MYCBPAP: variants seen among roughly 807,000 people sequenced by gnomAD.
MYCBPAP encodes the protein MYCBP associated protein.
A neutral mutation model predicts 106.1 loss-of-function variants in MYCBPAP; 60 were observed. The observed-to-expected ratio is 0.57, with a 90% confidence interval of 0.46 to 0.70. The LOEUF is 0.70. MYCBPAP is among the 30% of genes least tolerant of loss of function. The probability of loss-of-function intolerance (pLI) is 0.00; values close to 1 mark genes in which losing one functional copy is unlikely to be tolerated. For missense variants in MYCBPAP, 1,064 were observed against 1,169.3 expected, an observed-to-expected ratio of 0.91 and a Z score of 1.31; for synonymous variants, 407 against 440.6, an observed-to-expected ratio of 0.92 and a Z score of 0.95.
intron 1 of MYCBPAP, chr17:50,514,938 A>G (rs1282314216): frequency 4.4e-6 from 2 of 452,702 alleles, no homozygotes; most frequent in African/African-American, 2.0e-5. Context: ...TTGGCATGCC[A>G]TTGCCCATGG....
chr17:50,531,485 C>A lies in MYCBPAP; in HGVS notation c.*57C>A. 7.4e-7 allele frequency: 1 copy of A among 1,349,032 alleles called. No homozygotes were observed. Among genetic ancestry groups the A allele is most frequent in the Non-Finnish European group, 1.0e-6 (1 of 975,746 alleles). The allele number at this position is 1,349,032 out of a possible 1,614,324, so 83.6% of individuals were successfully genotyped here. On this transcript the variant is annotated 3_prime_UTR_variant, in exon 19 of 19. Transcript: ENST00000323776. ...GGTTAATAAATAAATCAATAAAGAA[C>A]CTTCAAGTTTCTACTACTTCCGTGT...
At chr17:50,519,467 A>G (rs1348202458) in intron 6 of MYCBPAP, 173 bp from the exon 7 acceptor site, 19 of 771,682 alleles carry the variant, frequency 2.5e-5, no homozygotes, top group Non-Finnish European at 3.9e-5. Flanking sequence ...AAAGATGACA[A>G]CAGGGTGTCC....
At chr17:50,512,607 T>C (rs1248875021) in intron 1 of MYCBPAP, among the ~76,000 whole-genome samples, 1 of 152,210 alleles carries the variant, frequency 6.6e-6, no homozygotes, top group Non-Finnish European at 1.5e-5. Context: ...CCAAACCTAT[T>C]GCCTGTACCG....
At chr17:50,521,934 G>A in intron 9 of MYCBPAP, 39 bp from the exon 10 acceptor site, 1 of 1,585,502 alleles carries the variant, frequency 6.3e-7, no homozygotes, top group Non-Finnish European at 8.6e-7. Flanking sequence ...CATGACTGTG[G>A]CAGCCTAAGA....
intron 1 of MYCBPAP, among the ~76,000 whole-genome samples, chr17:50,512,429 G>T (rs1354779596): frequency 6.6e-6 from 1 of 152,124 alleles, no homozygotes; most frequent in Admixed American, 6.5e-5. Context: ...CTTGGACTTT[G>T]ACTTCACCTG....
chr17:50,518,290 C>T (rs2034126857), intron 4 of MYCBPAP, among the ~76,000 whole-genome samples: 1 of 152,220 alleles, frequency 6.6e-6, no homozygotes, highest in Admixed American at 6.5e-5. Flanking sequence ...GTTGTGAGGA[C>T]AAATACACTA....
At chr17:50,519,588 G>A in intron 6 of MYCBPAP, 52 bp from the exon 7 acceptor site, 1 of 1,605,484 alleles carries the variant, frequency 6.2e-7, no homozygotes. Context: ...ATCTCCACCA[G>A]CATCTGGCTG....
chr17:50,509,228 A>T (rs1419883135), intron 1 of MYCBPAP: 1 of 689,496 alleles, frequency 1.5e-6, no homozygotes, highest in East Asian at 2.7e-5. Flanking sequence ...GTCACTTAGG[A>T]TTCCTGCTGG....
chr17:50,529,659 A>G, intron 18 of MYCBPAP: 1 of 437,100 alleles, frequency 2.3e-6, no homozygotes, highest in Non-Finnish European at 4.6e-6. Flanking sequence ...ATAGAAACGC[A>G]ATAGGGTCTG....
chr17:50,529,116 C>A lies in MYCBPAP; in HGVS notation c.2652C>A (p.Asp884Glu). The A allele has an allele frequency of 6.2e-7, 1 of 1,614,084 alleles. No individual in the cohort carries two copies. Among genetic ancestry groups the A allele is most frequent in the East Asian group, 2.2e-5 (1 of 44,890 alleles). ...TTTCTTTGGAAGACCCTACCCCTGACATCATCCTCTCTTCTCAAGAACCCA... is the reference window on the plus strand; with the variant it reads ...TTTCTTTGGAAGACCCTACCCCTGAAATCATCCTCTCTTCTCAAGAACCCA... Reference protein sequence around the residue: ...DRFSLEDPTPDIILSSQEPID... With the variant: ...DRFSLEDPTPEIILSSQEPID... The change falls in exon 18 of 19, where the codon GAC becomes GAA. Residue 884 changes from aspartate (D) to glutamate (E), a missense_variant. Asp to Glu is a conservative substitution (Grantham distance 45). Transcript: ENST00000323776.
chr17:50,513,556 A>G (rs1335713140), intron 1 of MYCBPAP, among the ~76,000 whole-genome samples: 1 of 152,218 alleles, frequency 6.6e-6, no homozygotes, highest in Admixed American at 6.5e-5. Context: ...AGCAAACATG[A>G]AAGATTAGCT....
Position 50,528,239 on chromosome 17 carries a change from G to C in MYCBPAP, c.2376G>C (p.Glu792Asp), listed in dbSNP as rs773990635. 6.2e-7 allele frequency: 1 copy of C among 1,614,032 alleles called. No individual in the cohort carries two copies. The highest frequency in any genetic ancestry group is 8.5e-7 in the Non-Finnish European group (1 of 1,179,986). Reference sequence around the variant, plus strand: ...CTGTGCTGGGCCTGCCTGAGAAGGAGACCATCTATTTGAATGTGCCTGAAG... The same window carrying C: ...CTGTGCTGGGCCTGCCTGAGAAGGACACCATCTATTTGAATGTGCCTGAAG... ...LRSVLGLPEK[E>D]TIYLNVPEEQ... The change falls in exon 16 of 19, where the codon GAG (glutamate) becomes GAC (aspartate). Residue 792 changes from glutamate to aspartate, a missense_variant. Coordinates refer to ENST00000323776, the MANE Select transcript of MYCBPAP (RefSeq NM_032133.6).
Position 50,528,229 on chromosome 17 carries a change from C to T in MYCBPAP, c.2366C>T (p.Pro789Leu), listed in dbSNP as rs146710463. ...SMWLRSVLGL[P>L]EKETIYLNVP... ...TGGCTGAGGTCTGTGCTGGGCCTGC[C>T]TGAGAAGGAGACCATCTATTTGAAT... The change falls in exon 16 of 19, where the codon CCT (proline) becomes CTT (leucine). Residue 789 changes from proline to leucine, a missense_variant. Pro to Leu is a moderately conservative substitution (Grantham distance 98). Transcript: ENST00000323776. The T allele has an allele frequency of 1.8e-5, 29 of 1,614,004 alleles. No individual in the cohort carries two copies. Among genetic ancestry groups the T allele is most frequent in the Non-Finnish European group, 2.5e-5 (29 of 1,180,016 alleles).
chr17:50,512,393 C>A (rs1024130406), intron 1 of MYCBPAP, among the ~76,000 whole-genome samples: 1 of 152,142 alleles, frequency 6.6e-6, no homozygotes, highest in African/African-American at 2.4e-5. Context: ...ACTCACGTGC[C>A]ATGCTCAGCC....
intron 14 of MYCBPAP, 87 bp downstream of exon 14, chr17:50,526,354 T>C (rs976482303): frequency 1.8e-5 from 25 of 1,401,962 alleles, no homozygotes; most frequent in Non-Finnish European, 2.3e-5. Flanking sequence ...TCTTGCTCTA[T>C]GGGCAAAGAA....
rs557812643 is a variant in MYCBPAP at position 50,516,353 on chromosome 17, G to A, written c.77-217G>A. Among the ~76,000 whole-genome samples, 5 of 152,314 alleles carry A rather than the reference G, an allele frequency of 3.3e-5. No individual in the cohort carries two copies. In the East Asian group the frequency reaches 9.7e-4, roughly 29 times the overall value. ...AAGTCTTAGTCACTGTGGTGAGCCA[G>A]GGGCTGTGGGTAGGGGGACCCTCCA... On this transcript the variant is annotated intron_variant, in intron 1 of 18. Coordinates refer to ENST00000323776, the MANE Select transcript of MYCBPAP (RefSeq NM_032133.6).
At chr17:50,510,196 CT>C (rs1412748717) in intron 1 of MYCBPAP, 2 of 151,994 alleles carry the variant, frequency 1.3e-5, no homozygotes, top group Non-Finnish European at 2.9e-5. Flanking sequence ...AGCTTAGTCG[CT>C]TTTCAGTATG....
In MYCBPAP at chr17:50,525,741, G is replaced by A. The variant is rs768782864; in HGVS notation, c.1783-140G>A. On this transcript the variant is annotated intron_variant, in intron 13 of 18. Transcript: ENST00000323776. ...CCTGAGTTCAAGTGATCTTCCTACC[G>A]TGGCTTCCCAAAGCACTGGGATTGC... 3.4e-5 allele frequency: 31 copies of A among 916,906 alleles called. No individual in the cohort carries two copies. The South Asian group carries it at 3.5e-4, about 10-fold the overall frequency. 56.8% of individuals were successfully genotyped at this position (916,906 alleles called of 1,614,324 possible). A position where few individuals can be genotyped will look rare whatever the true frequency, so the allele number is the denominator to read the frequency against.
chr17:50,531,391 TAAAG>T lies in MYCBPAP; in HGVS notation c.2792_2795del (p.Lys931MetfsTer23). ...GTCCTGGCTGATGAGCTCAGCCCCA[TAAAG>T]AATGTCGAGGAGGCTTTGCGCCTCT... On this transcript the variant is annotated frameshift_variant, in exon 19 of 19. Coordinates refer to ENST00000323776, the MANE Select transcript of MYCBPAP (RefSeq NM_032133.6). LOFTEE classifies it low-confidence loss of function (END_TRUNC). 1.9e-6 allele frequency: 3 copies of T among 1,613,550 alleles called. No individual in the cohort carries two copies. Among genetic ancestry groups the T allele is most frequent in the South Asian group, 2.2e-5 (2 of 90,882 alleles).
Sources: gnomAD v4.1 joint callset for allele counts (sites outside exome capture counted in the v4.1 genomes callset) on GRCh38, gnomAD v4.1.1 for gene constraint, MANE v1.5 for transcripts, NCBI Gene and HGNC (gene_info 2026-07-23, HGNC 2026-07-21) for gene names.